TNFRSF19: variants seen among roughly 807,000 people sequenced by gnomAD.
The protein encoded by TNFRSF19 is tumor necrosis factor receptor superfamily member 19.
A neutral mutation model predicts 46.4 loss-of-function variants in TNFRSF19; 27 were observed. The observed-to-expected ratio is 0.58, with a 90% CI of 0.43 to 0.80. The LOEUF is 0.80. Among genes scored for constraint, TNFRSF19 ranks in the 30% least tolerant of loss-of-function variants. The pLI, the probability that TNFRSF19 is intolerant of heterozygous loss-of-function variation, is 0.00. For synonymous variants in TNFRSF19, 204 were observed against 205.0 expected (o/e 1.00, Z 0.04); for missense variants, 511 against 530.8 (o/e 0.96, Z 0.37).
intron 3 of TNFRSF19, among the ~76,000 whole-genome samples, chr13:23,612,746 T>C (rs1880990013): frequency 6.6e-6 from 1 of 152,236 alleles, no homozygotes; most frequent in Non-Finnish European, 1.5e-5. Context: ...CCATGAGTAT[T>C]TGGGATATGA....
intron 4 of TNFRSF19, among the ~76,000 whole-genome samples, chr13:23,621,213 C>G (rs1392222808): frequency 6.6e-6 from 1 of 152,156 alleles, no homozygotes; most frequent in African/African-American, 2.4e-5. Context: ...GTTTTCGCAT[C>G]CCTTTGCCTC....
intron 1 of TNFRSF19, among the ~76,000 whole-genome samples, chr13:23,573,741 TTA>T (rs1348112677): frequency 6.6e-6 from 1 of 151,244 alleles, no homozygotes; most frequent in East Asian, 2.0e-4. Context: ...CATGTTTTCA[TTA>T]TCTCTTTGCT....
intron 5 of TNFRSF19, among the ~76,000 whole-genome samples, chr13:23,643,075 A>G (rs1034153789): frequency 6.6e-6 from 1 of 152,222 alleles, no homozygotes; most frequent in Non-Finnish European, 1.5e-5. Context: ...CTTACCTTTA[A>G]CCCTTCGATC....
At chr13:23,629,864 G>T (rs564067013) in intron 5 of TNFRSF19, among the ~76,000 whole-genome samples, 18 of 152,284 alleles carry the variant, frequency 1.2e-4, no homozygotes, top group African/African-American at 4.3e-4. Flanking sequence ...TTCTTTGGAG[G>T]GTCTGCTGCT....
chr13:23,668,029 C>G lies in TNFRSF19; in HGVS notation c.786C>G (p.Pro262=). 1 of 1,610,410 alleles carries G rather than the reference C, an allele frequency of 6.2e-7. No individual in the cohort carries two copies. Among genetic ancestry groups the G allele is most frequent in the Non-Finnish European group, 8.5e-7 (1 of 1,178,578 alleles). Residue 262 remains proline (P), a synonymous_variant, in exon 8 of 10, where the codon CCC becomes CCG. Transcript: ENST00000248484. The part of the protein sequence containing the change: ...PSMCCEEACS[P]NPATLGCGVH... Reference sequence around the variant, plus strand: ...TGTGCTGTGAGGAGGCCTGCAGCCCCAACCCGGCGACTCTTGGTTGTGGGG... The same window carrying G: ...TGTGCTGTGAGGAGGCCTGCAGCCCGAACCCGGCGACTCTTGGTTGTGGGG...
chr13:23,574,236 C>T (rs1487573977), intron 1 of TNFRSF19, among the ~76,000 whole-genome samples: 3 of 152,126 alleles, frequency 2.0e-5, no homozygotes, highest in African/African-American at 7.2e-5. Context: ...ACTAACATGA[C>T]CTAATATTTA....
intron 1 of TNFRSF19, among the ~76,000 whole-genome samples, chr13:23,588,175 A>G (rs1236706615): frequency 6.6e-6 from 1 of 152,224 alleles, no homozygotes; most frequent in Admixed American, 6.5e-5. Flanking sequence ...TTCAGGAGGT[A>G]GGTACTATCA....
chr13:23,602,368 G>C (rs1019012551), intron 3 of TNFRSF19, among the ~76,000 whole-genome samples: 5 of 151,990 alleles, frequency 3.3e-5, no homozygotes, highest in Non-Finnish European at 7.4e-5. Flanking sequence ...AAACCATGTG[G>C]GACAAAAACT....
At chr13:23,578,130 G>A (rs1355599674) in intron 1 of TNFRSF19, among the ~76,000 whole-genome samples, 3 of 152,282 alleles carry the variant, frequency 2.0e-5, no homozygotes, top group South Asian at 4.1e-4. Flanking sequence ...GGTGTAGCTG[G>A]GGAAGGAAAC....
chr13:23,658,861 G>A (rs1415342339), intron 5 of TNFRSF19, among the ~76,000 whole-genome samples, 189 bp from the exon 6 acceptor site: 4 of 152,184 alleles, frequency 2.6e-5, no homozygotes, highest in African/African-American at 9.7e-5. Context: ...CACATTGTGG[G>A]GTGCCGGGTA....
chr13:23,671,010 T>A (rs966910491), intron 9 of TNFRSF19, among the ~76,000 whole-genome samples: 1 of 152,218 alleles, frequency 6.6e-6, no homozygotes, highest in African/African-American at 2.4e-5. Context: ...ATGAAACGTC[T>A]TCATACGAGG....
In TNFRSF19 at chr13:23,593,463, G is replaced by A; in HGVS notation, c.180+8G>A. The A allele has an allele frequency of 6.4e-7, 1 of 1,568,982 alleles. No individual in the cohort carries two copies. The highest frequency in any genetic ancestry group is 8.7e-7 in the Non-Finnish European group (1 of 1,152,176). The stretch of plus-strand genomic sequence containing the variant: ...GGCATGGAGTTGTCTAAGGTATATT[G>A]GATACATGGCAAAGTTGTGTATCTG... On this transcript the variant is annotated splice_region_variant and intron_variant, in intron 3 of 9. Transcript: ENST00000248484.
intron 3 of TNFRSF19, among the ~76,000 whole-genome samples, chr13:23,607,553 G>A (rs1055190685): frequency 1.3e-5 from 2 of 152,104 alleles, no homozygotes; most frequent in Non-Finnish European, 2.9e-5. Flanking sequence ...AATTTTGAAA[G>A]CAGAGTAAAC....
At chr13:23,672,423 A>G (rs1951773946) in intron 9 of TNFRSF19, among the ~76,000 whole-genome samples, 3 of 152,214 alleles carry the variant, frequency 2.0e-5, no homozygotes, top group Admixed American at 2.0e-4. Context: ...AGAAGGTTAG[A>G]AAACATATGA....
At chr13:23,585,712 CAAATCTTATTTGATTGGTG>C (rs1878776646) in intron 1 of TNFRSF19, among the ~76,000 whole-genome samples, 1 of 152,152 alleles carries the variant, frequency 6.6e-6, no homozygotes, top group Non-Finnish European at 1.5e-5. Context: ...ATTAAGCCCT[CAAATCTTATTTGATTGGTG>C]GTCAACTCCA....
intron 1 of TNFRSF19, among the ~76,000 whole-genome samples, chr13:23,576,889 T>G (rs769166580): frequency 6.6e-6 from 1 of 152,220 alleles, no homozygotes; most frequent in Non-Finnish European, 1.5e-5. Context: ...TTTAAAGAAT[T>G]AGATGAATCT....
At chr13:23,577,010 G>GT (rs1878001758) in intron 1 of TNFRSF19, among the ~76,000 whole-genome samples, 1 of 152,220 alleles carries the variant, frequency 6.6e-6, no homozygotes, top group Non-Finnish European at 1.5e-5. Context: ...TGGCTATTTA[G>GT]TAAGTGCTAG....
chr13:23,669,981 C>A (rs576489134), intron 9 of TNFRSF19, among the ~76,000 whole-genome samples: 118 of 152,330 alleles, frequency 7.7e-4, no homozygotes, highest in African/African-American at 2.8e-3. Context: ...TTGCTGCTCT[C>A]ACTGCCTGTC....
chr13:23,625,207 ATTT>A, intron 4 of TNFRSF19, among the ~76,000 whole-genome samples: 1 of 151,878 alleles, frequency 6.6e-6, no homozygotes, highest in Non-Finnish European at 1.5e-5. Flanking sequence ...CTTCATCATC[ATTT>A]TTAAAGGACA....
Sources: allele counts gnomAD v4.1 joint callset (sites outside exome capture counted in the v4.1 genomes callset), GRCh38; gene constraint gnomAD v4.1.1; transcripts MANE v1.5; gene names NCBI Gene and HGNC (gene_info 2026-07-23, HGNC 2026-07-21).